EML4: variants seen among roughly 807,000 people sequenced by gnomAD.
EML4 encodes EMAP like 4.
A neutral mutation model predicts 129.0 loss-of-function variants in EML4; 72 were observed. The ratio of observed to expected loss-of-function variants is 0.56; its 90% CI spans 0.46 to 0.68. EML4 has a LOEUF of 0.68. EML4 is among the 30% of genes least tolerant of loss of function. The pLI is 0.00. For synonymous variants in EML4, 532 were observed against 405.0 expected (o/e 1.31, Z -3.77); for missense variants, 1,363 against 1,190.6 (o/e 1.14, Z -2.13).
Position 42,326,231 on chromosome 2 carries a change from G to A in EML4, c.2320G>A (p.Val774Met). 6.2e-7 allele frequency: 1 copy of A among 1,611,644 alleles called. No individual in the cohort carries two copies. The highest frequency in any genetic ancestry group is 8.5e-7 in the Non-Finnish European group (1 of 1,178,698). The change falls in exon 21 of 23, where the codon GTG (valine) becomes ATG (methionine). Residue 774 changes from valine (V) to methionine (M), a missense_variant. Physicochemically the swap from Val to Met is conservative, Grantham distance 21. Transcript: ENST00000318522. ...CATTGATTGGACGACATATACCTGTGTGCTAGGATTTCAAGTATTTGGTAA... is the reference window on the plus strand; with the variant it reads ...CATTGATTGGACGACATATACCTGTATGCTAGGATTTCAAGTATTTGGTAA... ...KDIDWTTYTC[V>M]LGFQVFGVWP...
At chr2:42,180,467 T>C (rs887726948) in intron 1 of EML4, among the ~76,000 whole-genome samples, 5 of 152,240 alleles carry the variant, frequency 3.3e-5, no homozygotes, top group Non-Finnish European at 5.9e-5. Flanking sequence ...GGTCTGTATA[T>C]GTGCTAAGTG....
intron 1 of EML4, among the ~76,000 whole-genome samples, chr2:42,187,382 A>G (rs1445048376): frequency 2.0e-5 from 3 of 151,984 alleles, no homozygotes; most frequent in Non-Finnish European, 4.4e-5. Context: ...CATGACTGGG[A>G]TCTTATAATC....
intron 11 of EML4, 32 bp from the exon 12 acceptor site, chr2:42,295,093 A>G (rs1667868214): frequency 1.3e-6 from 2 of 1,582,656 alleles, no homozygotes; most frequent in Admixed American, 3.7e-5. Context: ...AAGGATATAC[A>G]TTCATCTAAA....
At chr2:42,260,977 T>C in intron 3 of EML4, 144 bp from the exon 4 acceptor site, 2 of 583,012 alleles carry the variant, frequency 3.4e-6, no homozygotes, top group South Asian at 2.9e-5. Context: ...CAAAGAAATA[T>C]TGTCCTTATT....
intron 1 of EML4, among the ~76,000 whole-genome samples, chr2:42,238,620 A>AT (rs897966365): frequency 3.6e-5 from 4 of 111,616 alleles, no homozygotes; most frequent in Admixed American, 7.9e-5. Flanking sequence ...TTATTTTTTT[A>AT]TTTTTTATTT....
intron 19 of EML4, among the ~76,000 whole-genome samples, chr2:42,320,800 C>CTCA (rs745948166): frequency 6.6e-6 from 1 of 151,930 alleles, no homozygotes; most frequent in Non-Finnish European, 1.5e-5. Flanking sequence ...TTCCTGTGTA[C>CTCA]CTTTTAACAC....
chr2:42,266,446 G>T lies in EML4; in HGVS notation c.667+1715G>T, dbSNP rs1001710934. Reference sequence around the variant, plus strand: ...TGCAGCCTTGGCCTCCTGGGCTCAAGCAGTCCTCTCACTGAAGCCTCCCAA... The same window carrying T: ...TGCAGCCTTGGCCTCCTGGGCTCAATCAGTCCTCTCACTGAAGCCTCCCAA... On this transcript the variant is annotated intron_variant, in intron 6 of 22. Transcript: ENST00000318522. Among the ~76,000 whole-genome samples, 3 of 152,272 alleles carry T rather than the reference G, an allele frequency of 2.0e-5. No individual in the cohort carries two copies. In the South Asian group the frequency reaches 6.2e-4, roughly 32 times the overall value.
At position 42,262,893 on chromosome 2, in the gene EML4, A is replaced by T. The variant is rs369089327; in HGVS notation, c.513-285A>T. 2.0e-5 allele frequency among the ~76,000 whole-genome samples: 3 copies of T among 152,212 alleles called. No homozygotes were observed. In the East Asian group the frequency reaches 5.8e-4, roughly 29 times the overall value. On this transcript the variant is annotated intron_variant, in intron 4 of 22. Transcript: ENST00000318522. The stretch of plus-strand genomic sequence containing the variant: ...ACAAATTATAAGAAACATTACTCAG[A>T]TGTAAGGAAATAATTTTTTTCTGTT...
chr2:42,182,005 G>A (rs973626791), intron 1 of EML4, among the ~76,000 whole-genome samples: 1 of 151,816 alleles, frequency 6.6e-6, no homozygotes, highest in Admixed American at 6.6e-5. Context: ...GTTAATTTTT[G>A]TTTCCTCCTT....
intron 4 of EML4, chr2:42,261,643 T>G (rs1665743612): frequency 6.1e-6 from 1 of 163,596 alleles, no homozygotes. Context: ...TTTATAGCCA[T>G]GGATAGAAAA....
At chr2:42,178,069 T>C (rs1670710325) in intron 1 of EML4, among the ~76,000 whole-genome samples, 1 of 152,154 alleles carries the variant, frequency 6.6e-6, no homozygotes, top group Non-Finnish European at 1.5e-5. Context: ...GGCTATGTCT[T>C]TGACAAGTTT....
chr2:42,253,420 T>G (rs1558542881), intron 2 of EML4, among the ~76,000 whole-genome samples: 1 of 152,174 alleles, frequency 6.6e-6, no homozygotes, highest in Non-Finnish European at 1.5e-5. Context: ...ACAGTTCTAA[T>G]AGGAAATACT....
rs150275773 is a variant in EML4, at chr2:42,209,245, G to A, written c.26-36260G>A. ...TTAGACAATTATGTTAACTTTTCTG[G>A]TTTTTTTCCTTTTATACAAATACCA... On this transcript the variant is annotated intron_variant, in intron 1 of 22. Coordinates refer to ENST00000318522, the MANE Select transcript of EML4 (RefSeq NM_019063.5). Among the ~76,000 whole-genome samples, 851 of 152,042 alleles carry A rather than the reference G, an allele frequency of 5.6e-3. 8 individuals are homozygous for A. Among genetic ancestry groups the A allele is most frequent in the Non-Finnish European group, 7.3e-3 (496 of 67,958 alleles).
At position 42,261,257 on chromosome 2, in the gene EML4, C is replaced by T. The variant is rs778346266; in HGVS notation, c.475C>T (p.Gln159Ter). Residue 159 changes from glutamine (Q) to a stop codon, truncating the protein, a stop_gained, in exon 4 of 23, where the codon CAA (glutamine) becomes TAA (stop). Coordinates refer to ENST00000318522, the MANE Select transcript of EML4 (RefSeq NM_019063.5). LOFTEE classifies it high-confidence loss of function. Reference sequence around the variant, plus strand: ...TTCACAACCTCTCCAAATACACAGACAAACTCCAGAAAGCAAGAATGCTAC... The same window carrying T: ...TTCACAACCTCTCCAAATACACAGATAAACTCCAGAAAGCAAGAATGCTAC... ...PSSQPLQIHR[Q>*]TPESKNATPT... 1 of 1,613,674 alleles carries T rather than the reference C, an allele frequency of 6.2e-7. No homozygotes were observed. Among genetic ancestry groups the T allele is most frequent in the Middle Eastern group, 1.6e-4 (1 of 6,078 alleles).
At chr2:42,267,886 A>G (rs965538530) in intron 6 of EML4, among the ~76,000 whole-genome samples, 1 of 152,230 alleles carries the variant, frequency 6.6e-6, no homozygotes, top group Non-Finnish European at 1.5e-5. Context: ...TAAAATTTGA[A>G]TAAGTTCCAT....
chr2:42,269,788 A>G (rs1249240188), intron 6 of EML4, among the ~76,000 whole-genome samples: 2 of 152,216 alleles, frequency 1.3e-5, no homozygotes, highest in East Asian at 1.9e-4. Context: ...CATAGAGTAC[A>G]TACAATTTTG....
At chr2:42,199,556 T>C (rs1326701911) in intron 1 of EML4, among the ~76,000 whole-genome samples, 1 of 152,192 alleles carries the variant, frequency 6.6e-6, no homozygotes, top group African/African-American at 2.4e-5. Flanking sequence ...CTCCCTGTTT[T>C]CTGTTGAGAG....
Position 42,201,377 on chromosome 2 carries a change from G to A in EML4, c.25+31741G>A, listed in dbSNP as rs181585384. On this transcript the variant is annotated intron_variant, in intron 1 of 22. Coordinates refer to ENST00000318522, the MANE Select transcript of EML4 (RefSeq NM_019063.5). ...TGAGTTAATTAACTTGCCCAAGAGC[G>A]CACAGCTAGGCTTAATGTATGCAGA... 3.5e-3 allele frequency among the ~76,000 whole-genome samples: 539 copies of A among 152,250 alleles called. 3 individuals carry two copies. The highest frequency in any genetic ancestry group is 0.012 in the African/African-American group (505 of 41,548).
chr2:42,251,064 G>A (rs946648653), intron 2 of EML4, among the ~76,000 whole-genome samples: 3 of 152,166 alleles, frequency 2.0e-5, no homozygotes, highest in Admixed American at 1.3e-4. Context: ...GCAAGTGATA[G>A]GAAGTGGTTG....
Sources: allele counts gnomAD v4.1 joint callset (sites outside exome capture counted in the v4.1 genomes callset), GRCh38; gene constraint gnomAD v4.1.1; transcripts MANE v1.5; gene names NCBI Gene and HGNC (gene_info 2026-07-23, HGNC 2026-07-21).